Variants in KLF17 observed in about 807,000 individuals in gnomAD.
KLF17 encodes KLF transcription factor 17, also known as Krueppel-like factor 17.
A neutral mutation model predicts 34.2 loss-of-function variants in KLF17; 31 were observed. The observed-to-expected ratio is 0.91, with a 90% CI of 0.68 to 1.22. The LOEUF (loss-of-function observed/expected upper bound fraction) is 1.22. KLF17 is among the 50% of genes most tolerant of loss of function. The probability of loss-of-function intolerance (pLI) is 0.00; values close to 1 mark genes in which losing one functional copy is unlikely to be tolerated. For missense variants in KLF17, 478 were observed against 505.2 expected (o/e 0.95, Z 0.52); for synonymous variants, 179 against 186.7 (o/e 0.96, Z 0.34).
At chr1:44,082,320 A>G in the KLF17 span, among the ~76,000 whole-genome samples, 2 of 152,240 alleles carry the variant, frequency 1.3e-5, no homozygotes, top group African/African-American at 2.4e-5. Context: ...TACAACATTC[A>G]TTATAATTAC....
chr1:44,104,730 A>G, the KLF17 span: 1 of 326,736 alleles, frequency 3.1e-6, no homozygotes. Context: ...ACAATAATCC[A>G]GTAACCCTGT....
upstream of KLF17, chr1:44,114,569 G>T (rs549589675): frequency 1.3e-5 from 2 of 152,366 alleles, no homozygotes; most frequent in African/African-American, 4.8e-5. Flanking sequence ...AGGGGGAAGA[G>T]CATTCCAGGC....
At chr1:44,100,079 T>TACACACACACACACACACACACAC in the KLF17 span, among the ~76,000 whole-genome samples, 2 of 138,550 alleles carry the variant, frequency 1.4e-5, no homozygotes, top group African/African-American at 5.5e-5. Flanking sequence ...CTACTAAAAA[T>TACACACACACACACACACACACAC]ACACACACAC....
chr1:44,131,012 G>A (rs1180126734), intron 3 of KLF17, among the ~76,000 whole-genome samples: 1 of 152,090 alleles, frequency 6.6e-6, no homozygotes, highest in African/African-American at 2.4e-5. Context: ...AGCCAGGATG[G>A]TCTCGATCTC....
intron 1 of KLF17, among the ~76,000 whole-genome samples, chr1:44,126,190 A>AT (rs1342495262): frequency 2.0e-5 from 3 of 152,028 alleles, no homozygotes; most frequent in Admixed American, 6.6e-5. Flanking sequence ...CACCTGGCTA[A>AT]TTTTTTTGTA....
At position 44,129,616 on chromosome 1, in the gene KLF17, GA is replaced by G; in HGVS notation, c.346del (p.Arg116GlufsTer9). The G allele has an allele frequency of 6.2e-7, 1 of 1,614,170 alleles. No individual in the cohort carries two copies. On this transcript the variant is annotated frameshift_variant, in exon 2 of 4. Transcript: ENST00000372299. LOFTEE classifies it high-confidence loss of function. ...LTPSRMIYCQ[R>X]MSPPQQEMTI... ...CTCCTTCCCGGATGATTTACTGTCA[GA>G]GAATGTCTCCCCCTCAGCAAGAGAT...
upstream of KLF17, chr1:44,115,474 C>CAAAAAAAAAAAAAAAAAAA (rs2087871754): frequency 8.0e-6 from 1 of 125,588 alleles, no homozygotes. Context: ...AAAAAAAAAC[C>CAAAAAAAAAAAAAAAAAAA]AAAACAAAAA....
Position 44,134,638 on chromosome 1 carries a change from G to A in KLF17, c.*1401G>A, listed in dbSNP as rs2088149162. On this transcript the variant is annotated 3_prime_UTR_variant, in exon 4 of 4. Transcript: ENST00000372299. ...AAATTTACTTGTCACTCTTGCTTCT[G>A]ATAGTAAAGGGGATGGTGCGATAGA... 6.6e-6 allele frequency: 1 copy of A among 152,218 alleles called. No individual in the cohort carries two copies. The highest frequency in any genetic ancestry group is 6.5e-5 in the Admixed American group (1 of 15,284). 9.4% of individuals were successfully genotyped at this position (152,218 alleles called of 1,614,324 possible).
chr1:44,123,485 A>T (rs1408594024), intron 1 of KLF17, among the ~76,000 whole-genome samples: 6 of 152,130 alleles, frequency 3.9e-5, no homozygotes, highest in Admixed American at 2.0e-4. Flanking sequence ...TTCATTTCTC[A>T]TGTTCAATCA....
the KLF17 span, among the ~76,000 whole-genome samples, chr1:44,050,329 G>A: frequency 2.6e-5 from 4 of 152,160 alleles, no homozygotes; most frequent in Admixed American, 2.0e-4. Context: ...AAGGGGAAGA[G>A]GCAAAAGCAC....
At chr1:44,128,635 C>T (rs934111235) in intron 1 of KLF17, among the ~76,000 whole-genome samples, 8 of 152,228 alleles carry the variant, frequency 5.3e-5, no homozygotes, top group Non-Finnish European at 1.2e-4. Context: ...GACCCATCTG[C>T]AGCCTCAATT....
chr1:44,065,405 G>GTTTTTTTTTT, the KLF17 span, among the ~76,000 whole-genome samples: 1 of 119,018 alleles, frequency 8.4e-6, no homozygotes, highest in Non-Finnish European at 1.7e-5. Flanking sequence ...ATAATCCTTG[G>GTTTTTTTTTT]TTTTTTTTTT....
chr1:44,077,812 A>C, the KLF17 span, among the ~76,000 whole-genome samples: 1 of 152,162 alleles, frequency 6.6e-6, no homozygotes, highest in African/African-American at 2.4e-5. Context: ...GGCCTTGAAC[A>C]TTACTTCTGT....
At chr1:44,090,234 G>C in the KLF17 span, among the ~76,000 whole-genome samples, 1 of 126,424 alleles carries the variant, frequency 7.9e-6, no homozygotes, top group African/African-American at 3.0e-5. Flanking sequence ...TGCCACACCT[G>C]TAATCCCAGG....
intron 1 of KLF17, 24 bp from the exon 2 acceptor site, chr1:44,129,329 A>G: frequency 6.6e-7 from 1 of 1,505,688 alleles, no homozygotes; most frequent in Non-Finnish European, 8.9e-7. Flanking sequence ...TTGAGCAAAA[A>G]TCACCTGACT....
At position 44,130,128 on chromosome 1, in the gene KLF17, A is replaced by G. The variant is rs368227907; in HGVS notation, c.857A>G (p.Asn286Ser). ...GSSEARPYCC[N>S]YENCGKAYTK... ...TCAGAGGCAAGGCCTTACTGCTGCA[A>G]CTACGAGAACTGCGGAAAAGCTTAT... The change falls in exon 2 of 4, where the codon AAC becomes AGC. Residue 286 changes from asparagine to serine, a missense_variant. Transcript: ENST00000372299. 82 of 1,614,080 alleles carry G rather than the reference A, an allele frequency of 5.1e-5. No homozygotes were observed. The highest frequency in any genetic ancestry group is 6.6e-5 in the Non-Finnish European group (78 of 1,180,030).
At chr1:44,122,375 G>A in intron 1 of KLF17, 3 of 1,605,736 alleles carry the variant, frequency 1.9e-6, no homozygotes, top group Non-Finnish European at 1.7e-6. Flanking sequence ...TGTTCTTCGG[G>A]GTCATTTTCA....
At position 44,130,328 on chromosome 1, in the gene KLF17, C is replaced by CG. The variant is rs964659855; in HGVS notation, c.925+132_925+133insG. 2.2e-3 allele frequency: 3,215 copies of CG among 1,441,130 alleles called. 22 individuals are homozygous for CG. Among genetic ancestry groups the CG allele is most frequent in the Non-Finnish European group, 2.2e-3 (2,358 of 1,061,470 alleles). 89.3% of individuals were successfully genotyped at this position (1,441,130 alleles called of 1,614,324 possible). A position where few individuals can be genotyped will look rare whatever the true frequency, so the allele number is the denominator to read the frequency against. ...CTTGGAACTAAGCTAGACTGGCCCCCCGACTTGCCATACAGGAGGACTGTG... is the reference window on the plus strand; with the variant it reads ...CTTGGAACTAAGCTAGACTGGCCCCCGCGACTTGCCATACAGGAGGACTGTG... On this transcript the variant is annotated intron_variant, in intron 2 of 3. Transcript: ENST00000372299.
At chr1:44,049,311 T>C in the KLF17 span, among the ~76,000 whole-genome samples, 3 of 152,168 alleles carry the variant, frequency 2.0e-5, no homozygotes, top group Non-Finnish European at 4.4e-5. Context: ...GTGCATGAAT[T>C]TGGGGGGCAC....
Sources: gnomAD v4.1 joint callset for allele counts (sites outside exome capture counted in the v4.1 genomes callset) on GRCh38, gnomAD v4.1.1 for gene constraint, MANE v1.5 for transcripts, NCBI Gene and HGNC (gene_info 2026-07-23, HGNC 2026-07-21) for gene names.